TMEM132D: variants seen among roughly 807,000 people sequenced by gnomAD.
TMEM132D encodes the protein mature OL transmembrane protein.
TMEM132D carries 21 observed loss-of-function variants against 62.3 expected under a neutral mutation model. The ratio of observed to expected loss-of-function variants is 0.34; its 90% CI spans 0.24 to 0.49. TMEM132D has a LOEUF of 0.49. Among genes scored for constraint, TMEM132D ranks in the 20% least tolerant of loss-of-function variants. The probability of loss-of-function intolerance (pLI) is 0.99; values close to 1 mark genes in which losing one functional copy is unlikely to be tolerated. For missense variants in TMEM132D, 1,346 were observed against 1,402.8 expected, an observed-to-expected ratio of 0.96 and a Z score of 0.65; for synonymous variants, 621 against 575.6, an observed-to-expected ratio of 1.08 and a Z score of -1.13.
At chr12:129,134,768 G>T (rs1876505836) in intron 5 of TMEM132D, among the ~76,000 whole-genome samples, 1 of 152,180 alleles carries the variant, frequency 6.6e-6, no homozygotes, top group South Asian at 2.1e-4. Context: ...ACTAGGCAAA[G>T]ACCTAAGTGA....
intron 3 of TMEM132D, among the ~76,000 whole-genome samples, chr12:129,363,521 A>C (rs1029704393): frequency 2.6e-5 from 4 of 152,370 alleles, no homozygotes; most frequent in Middle Eastern, 3.4e-3. Flanking sequence ...CTGATATGAC[A>C]AATGAAAGTG....
chr12:129,662,413 A>T (rs1880259288), intron 2 of TMEM132D, among the ~76,000 whole-genome samples: 1 of 152,150 alleles, frequency 6.6e-6, no homozygotes, highest in South Asian at 2.1e-4. Context: ...CTTACTCACC[A>T]CGGCTAATGA....
Position 129,328,528 on chromosome 12 carries a change from C to T in TMEM132D, c.1299+9106G>A, listed in dbSNP as rs146540247. Among the ~76,000 whole-genome samples, 81 of 152,274 alleles carry T rather than the reference C, an allele frequency of 5.3e-4. 1 individual carries two copies. The East Asian group carries it at 0.014, about 26-fold the overall frequency. On this transcript the variant is annotated intron_variant, in intron 4 of 8. Coordinates refer to ENST00000422113, the MANE Select transcript of TMEM132D (RefSeq NM_133448.3). ...AAAAGCATTGAAGTTCAGCCGACAC[C>T]GCCATCTCATTATAAATCACCTCTG... is the stretch of plus-strand genomic sequence containing the variant.
At chr12:129,565,643 C>T (rs2137116119) in intron 2 of TMEM132D, among the ~76,000 whole-genome samples, 1 of 152,290 alleles carries the variant, frequency 6.6e-6, no homozygotes, top group East Asian at 1.9e-4. Context: ...GCAGCCCATT[C>T]TGCCTGGTCT....
At chr12:129,436,164 C>T (rs573882063) in intron 3 of TMEM132D, among the ~76,000 whole-genome samples, 1 of 152,284 alleles carries the variant, frequency 6.6e-6, no homozygotes, top group African/African-American at 2.4e-5. Context: ...AGGAAAAAGC[C>T]ACTATCTTCT....
At chr12:129,760,053 T>C (rs1190060427) in intron 1 of TMEM132D, among the ~76,000 whole-genome samples, 1 of 152,056 alleles carries the variant, frequency 6.6e-6, no homozygotes, top group Non-Finnish European at 1.5e-5. Context: ...GACAGGTGTT[T>C]GCCATCACAC....
At chr12:129,623,698 T>TATACATAC (rs1555222213) in intron 2 of TMEM132D, among the ~76,000 whole-genome samples, 19 of 143,590 alleles carry the variant, frequency 1.3e-4, no homozygotes, top group African/African-American at 4.1e-4. Flanking sequence ...TATATACATA[T>TATACATAC]ATATACATAC....
chr12:129,580,576 C>T (rs1877820823), intron 2 of TMEM132D, among the ~76,000 whole-genome samples: 1 of 152,064 alleles, frequency 6.6e-6, no homozygotes. Context: ...TGGTGGCATG[C>T]ACCTGTAGAC....
At chr12:129,464,793 G>A (rs569174712) in intron 3 of TMEM132D, among the ~76,000 whole-genome samples, 191 of 152,080 alleles carry the variant, frequency 1.3e-3, no homozygotes, top group Non-Finnish European at 2.0e-3. Context: ...GATATGCGGC[G>A]TTATATCTGA....
intron 4 of TMEM132D, among the ~76,000 whole-genome samples, chr12:129,294,447 G>A (rs1215433126): frequency 6.6e-6 from 1 of 151,390 alleles, no homozygotes; most frequent in African/African-American, 2.4e-5. Flanking sequence ...TTACAGCTGT[G>A]CCCCATGCTT....
intron 3 of TMEM132D, among the ~76,000 whole-genome samples, chr12:129,419,100 C>T (rs551202171): frequency 3.3e-5 from 5 of 152,300 alleles, no homozygotes; most frequent in African/African-American, 1.2e-4. Flanking sequence ...TGCCTTTTCC[C>T]ACCCAGTTTG....
At chr12:129,811,606 C>T (rs1038552837) in intron 1 of TMEM132D, among the ~76,000 whole-genome samples, 6 of 151,772 alleles carry the variant, frequency 4.0e-5, no homozygotes, top group Non-Finnish European at 8.8e-5. Context: ...TGCGACCTTA[C>T]CTGGCAAGAT....
chr12:129,257,356 G>A (rs151245003), intron 4 of TMEM132D, among the ~76,000 whole-genome samples: 2,238 of 151,932 alleles, frequency 0.015, 59 homozygotes, highest in African/African-American at 0.051. Context: ...ACAGGCGCCC[G>A]CCACCACGAC....
At chr12:129,384,116 C>T (rs1468585967) in intron 3 of TMEM132D, among the ~76,000 whole-genome samples, 4 of 152,196 alleles carry the variant, frequency 2.6e-5, no homozygotes, top group Non-Finnish European at 4.4e-5. Context: ...ATGCTCATCA[C>T]GAGCAAAGAG....
At chr12:129,605,461 C>T (rs909484599) in intron 2 of TMEM132D, among the ~76,000 whole-genome samples, 1 of 151,688 alleles carries the variant, frequency 6.6e-6, no homozygotes, top group Non-Finnish European at 1.5e-5. Context: ...CTCGTCTGAT[C>T]TTATATTCTC....
chr12:129,238,071 C>T (rs1879832330), intron 4 of TMEM132D, among the ~76,000 whole-genome samples: 3 of 152,136 alleles, frequency 2.0e-5, no homozygotes, highest in Admixed American at 1.3e-4. Flanking sequence ...CTGATCCTCA[C>T]CACCATCCCC....
rs961218219 is a variant in TMEM132D, at chr12:129,580,704, A to AAAAT, written c.969-49503_969-49500dup. Among the ~76,000 whole-genome samples, 5 of 140,276 alleles carry AAAAT rather than the reference A, an allele frequency of 3.6e-5. No individual in the cohort carries two copies. In the South Asian group the frequency reaches 7.0e-4, roughly 20 times the overall value. 92.0% of individuals were successfully genotyped at this position (140,276 alleles called of 152,430 possible). A position where few individuals can be genotyped will look rare whatever the true frequency, so the allele number is the denominator to read the frequency against. ...AGTGACAGGGTGATAATCCATCTCA[A>AAAAT]AAATAAATAAATAAATAAGTAAATA... is the stretch of plus-strand genomic sequence containing the variant. On this transcript the variant is annotated intron_variant, in intron 2 of 8. Transcript: ENST00000422113.
intron 3 of TMEM132D, among the ~76,000 whole-genome samples, chr12:129,340,333 G>A (rs556042750): frequency 6.6e-6 from 1 of 151,916 alleles, no homozygotes; most frequent in East Asian, 1.9e-4. Flanking sequence ...TATACTTTAA[G>A]TTCTAGGGTA....
chr12:129,277,245 CT>C lies in TMEM132D; in HGVS notation c.1299+60388del, dbSNP rs1223448514. Among the ~76,000 whole-genome samples, 6 of 152,202 alleles carry C rather than the reference CT, an allele frequency of 3.9e-5. No individual in the cohort carries two copies. Among genetic ancestry groups the C allele is most frequent in the Non-Finnish European group, 7.4e-5 (5 of 68,008 alleles). On this transcript the variant is annotated intron_variant, in intron 4 of 8. Transcript: ENST00000422113. This position sits in a 1 kb window ranked among gnomAD's most constrained non-coding sequence, Gnocchi z 4.2. ...ACTAAAGATATTTGTGCTTGTGTGTCTGAGTCTCTTTAGAAGAAGAGATGTA... is the reference window on the plus strand; with the variant it reads ...ACTAAAGATATTTGTGCTTGTGTGTCGAGTCTCTTTAGAAGAAGAGATGTA...
Sources: allele counts gnomAD v4.1 joint callset (sites outside exome capture counted in the v4.1 genomes callset), GRCh38; gene constraint gnomAD v4.1.1; non-coding constraint Gnocchi (gnomAD v3.1); transcripts MANE v1.5; gene names NCBI Gene and HGNC (gene_info 2026-07-23, HGNC 2026-07-21).